Variants in SFMBT2 observed in about 807,000 individuals in gnomAD.
SFMBT2 encodes Scm like with four mbt domains 2, also known as scm-like with four MBT domains protein 2.
A neutral mutation model predicts 110.1 loss-of-function variants in SFMBT2; 38 were observed. The observed-to-expected ratio is 0.35, with a 90% CI of 0.27 to 0.45. SFMBT2 has a LOEUF of 0.45. SFMBT2 is among the 20% of genes least tolerant of loss of function. The pLI is 1.00. For synonymous variants in SFMBT2, 425 were observed against 425.4 expected (o/e 1.00, Z 0.01); for missense variants, 1,011 against 1,094.9 (o/e 0.92, Z 1.08).
chr10:7,228,442 G>C, intron 9 of SFMBT2: 1 of 678,648 alleles, frequency 1.5e-6, no homozygotes, highest in South Asian at 6.9e-5. Context: ...GTAGAGAAGA[G>C]GGCAACAAAG....
intron 4 of SFMBT2, among the ~76,000 whole-genome samples, chr10:7,314,134 G>A (rs763847460): frequency 6.6e-5 from 10 of 152,162 alleles, no homozygotes; most frequent in Non-Finnish European, 1.3e-4. Context: ...TTTAGTAAGA[G>A]TCTAATTTAG....
At chr10:7,304,652 T>C (rs1251315428) in intron 4 of SFMBT2, among the ~76,000 whole-genome samples, 1 of 152,232 alleles carries the variant, frequency 6.6e-6, no homozygotes, top group Non-Finnish European at 1.5e-5. Flanking sequence ...TGAAATATAC[T>C]GAATACGATT....
At chr10:7,333,247 A>G (rs1001217389) in intron 4 of SFMBT2, among the ~76,000 whole-genome samples, 10 of 152,252 alleles carry the variant, frequency 6.6e-5, no homozygotes, top group Admixed American at 2.6e-4. Flanking sequence ...GAAGACTAGC[A>G]CAAATAAAAT....
chr10:7,198,273 T>TTAA (rs1246740250), intron 14 of SFMBT2: 39 of 380,958 alleles, frequency 1.0e-4, no homozygotes, highest in Non-Finnish European at 1.1e-5. Context: ...CTCTATTGAA[T>TTAA]TAATGTAGCA....
chr10:7,271,291 CAAAA>C lies in SFMBT2; in HGVS notation c.870+5597_870+5600del, dbSNP rs56364927. ...CTGGGTGACAGGGCAAGATTGCCTC[CAAAA>C]AAAAAAAAAAAAAAAATTAAATTCA... On this transcript the variant is annotated intron_variant, in intron 7 of 20. Coordinates refer to ENST00000397167, the MANE Select transcript of SFMBT2 (RefSeq NM_001387889.1). 4.0e-3 allele frequency among the ~76,000 whole-genome samples: 386 copies of C among 97,552 alleles called. 2 individuals are homozygous for C. Among genetic ancestry groups the C allele is most frequent in the South Asian group, 0.015 (41 of 2,716 alleles). 64.0% of individuals were successfully genotyped at this position (97,552 alleles called of 152,430 possible).
At chr10:7,303,223 GC>G (rs1274237030) in intron 4 of SFMBT2, among the ~76,000 whole-genome samples, 2 of 152,154 alleles carry the variant, frequency 1.3e-5, no homozygotes, top group African/African-American at 4.8e-5. Flanking sequence ...GAAAAATGAA[GC>G]TTTACTACTA....
rs115796849 is a variant in SFMBT2 at position 7,259,499 on chromosome 10, G to A, written c.871-10850C>T. ...GGCTGTTCTGCCACTGTAGGATGTT[G>A]CAACTGCATCTCTGGGGTCTATCCA... On this transcript the variant is annotated intron_variant, in intron 7 of 20. Coordinates refer to ENST00000397167, the MANE Select transcript of SFMBT2 (RefSeq NM_001387889.1). Among the ~76,000 whole-genome samples the A allele has an allele frequency of 4.0e-3, 608 of 152,330 alleles. 7 individuals are homozygous for A. Among genetic ancestry groups the A allele is most frequent in the African/African-American group, 0.014 (578 of 41,572 alleles).
chr10:7,367,926 A>G lies in SFMBT2; in HGVS notation c.196-37T>C. ...AGAAATAGAGAAAACCCATTACTAC[A>G]CTAGACACAATACATCCAGAAGATG... On this transcript the variant is annotated intron_variant, in intron 3 of 20. Transcript: ENST00000397167. This position sits in a 1 kb window ranked among gnomAD's most constrained non-coding sequence, Gnocchi z 6.2. 6.2e-7 allele frequency: 1 copy of G among 1,605,856 alleles called. No individual in the cohort carries two copies. The highest frequency in any genetic ancestry group is 8.5e-7 in the Non-Finnish European group (1 of 1,174,676).
At chr10:7,352,456 G>A (rs1844353597) in intron 4 of SFMBT2, among the ~76,000 whole-genome samples, 2 of 152,144 alleles carry the variant, frequency 1.3e-5, no homozygotes, top group Admixed American at 6.5e-5. Context: ...CTGAGTAGCT[G>A]GGACTACAGG....
At chr10:7,378,820 G>T (rs1276235511) in intron 2 of SFMBT2, among the ~76,000 whole-genome samples, 1 of 151,576 alleles carries the variant, frequency 6.6e-6, no homozygotes, top group Non-Finnish European at 1.5e-5. Context: ...GCGTGAGTGT[G>T]GGTGTGAGTG....
At chr10:7,387,946 C>CA (rs377383266) in intron 1 of SFMBT2, among the ~76,000 whole-genome samples, 25,952 of 107,082 alleles carry the variant, frequency 0.24, 2,991 homozygotes, top group African/African-American at 0.38. Flanking sequence ...AACTCTGTTT[C>CA]AAAAAAAAAA....
intron 7 of SFMBT2, among the ~76,000 whole-genome samples, chr10:7,264,789 C>T (rs1841328487): frequency 1.3e-5 from 2 of 152,150 alleles, no homozygotes; most frequent in Admixed American, 1.3e-4. Context: ...GGATGCCAAC[C>T]GTATCCCCAG....
rs567063590 is a variant in SFMBT2, at chr10:7,303,517, C to A, written c.437-17563G>T. On this transcript the variant is annotated intron_variant, in intron 4 of 20. Transcript: ENST00000397167. ...AGAGAGAGAGAGAGAGACAGAGAGA[C>A]AGAAAAAGAGAAAGAAAGGGTGGTG... Among the ~76,000 whole-genome samples the A allele has an allele frequency of 2.2e-4, 33 of 151,872 alleles. No individual in the cohort carries two copies. The South Asian group carries it at 6.5e-3, about 30-fold the overall frequency.
chr10:7,332,704 T>A (rs1289756057), intron 4 of SFMBT2, among the ~76,000 whole-genome samples: 1 of 152,212 alleles, frequency 6.6e-6, no homozygotes, highest in Non-Finnish European at 1.5e-5. Context: ...TTTCCATTAA[T>A]GTCCATGACA....
At chr10:7,191,347 T>C (rs1213678415) in intron 15 of SFMBT2, among the ~76,000 whole-genome samples, 1 of 152,236 alleles carries the variant, frequency 6.6e-6, no homozygotes, top group Non-Finnish European at 1.5e-5. Context: ...GCCGAAACGC[T>C]GGGCAGCTCT....
chr10:7,285,636 T>C (rs1842062867), intron 5 of SFMBT2: 1 of 487,108 alleles, frequency 2.1e-6, no homozygotes, highest in African/African-American at 2.0e-5. Context: ...TGGATTCACA[T>C]AGAGCAAATT....
At chr10:7,308,799 C>T (rs773115747) in intron 4 of SFMBT2, among the ~76,000 whole-genome samples, 19 of 152,280 alleles carry the variant, frequency 1.2e-4, no homozygotes, top group South Asian at 4.1e-4. Context: ...TTACCAGTTA[C>T]ACATGAACTC....
intron 10 of SFMBT2, among the ~76,000 whole-genome samples, chr10:7,226,953 T>C (rs985349043): frequency 2.6e-5 from 4 of 152,178 alleles, no homozygotes; most frequent in African/African-American, 9.7e-5. Context: ...AGCGGCCTGA[T>C]GATGCATTTC....
intron 9 of SFMBT2, among the ~76,000 whole-genome samples, chr10:7,230,845 A>G (rs779542652): frequency 6.6e-6 from 1 of 152,140 alleles, no homozygotes; most frequent in Non-Finnish European, 1.5e-5. Context: ...AGGCAGGAGA[A>G]TTGCTTGAAC....
Sources: gnomAD v4.1 joint callset for allele counts (sites outside exome capture counted in the v4.1 genomes callset) on GRCh38, gnomAD v4.1.1 for gene constraint, Gnocchi (gnomAD v3.1) non-coding constraint, MANE v1.5 for transcripts, NCBI Gene and HGNC (gene_info 2026-07-23, HGNC 2026-07-21) for gene names.